Variants in B3GALT1 observed in about 807,000 individuals in gnomAD.
B3GALT1 encodes the protein beta-1,3-galactosyltransferase 1, also known as UDP-Gal:betaGlcNAc beta 1,3-galactosyltransferase, polypeptide 1.
In B3GALT1, 10 loss-of-function variants were observed where a neutral mutation model predicts 23.2. The observed-to-expected ratio is 0.43, with a 90% CI of 0.27 to 0.73. The LOEUF (loss-of-function observed/expected upper bound fraction) is 0.73, where lower values mean the gene tolerates loss of function less well. B3GALT1 is among the 30% of genes least tolerant of loss of function. The pLI, the probability that B3GALT1 is intolerant of heterozygous loss-of-function variation, is 0.21. For synonymous variants in B3GALT1, 156 were observed against 141.5 expected (o/e 1.10, Z -0.73); for missense variants, 299 against 405.4 (o/e 0.74, Z 2.25).
At chr2:167,429,184 G>A (rs1281556830) in intron 1 of B3GALT1, among the ~76,000 whole-genome samples, 3 of 151,040 alleles carry the variant, frequency 2.0e-5, no homozygotes, top group Non-Finnish European at 4.4e-5. Context: ...GGGAGGCTGA[G>A]GCCAGGGAAT....
chr2:167,822,489 G>A (rs962914109), intron 4 of B3GALT1, among the ~76,000 whole-genome samples: 4 of 152,082 alleles, frequency 2.6e-5, no homozygotes, highest in African/African-American at 7.2e-5. Context: ...AGATACTCAC[G>A]GTGGAGGGTG....
intron 2 of B3GALT1, among the ~76,000 whole-genome samples, chr2:167,581,439 T>C (rs1050815557): frequency 6.6e-6 from 1 of 152,248 alleles, no homozygotes; most frequent in Non-Finnish European, 1.5e-5. Context: ...CATTTCCTTA[T>C]ACTTCCTCTG....
At chr2:167,735,108 A>G (rs1687472063) in intron 3 of B3GALT1, among the ~76,000 whole-genome samples, 1 of 152,226 alleles carries the variant, frequency 6.6e-6, no homozygotes, top group Non-Finnish European at 1.5e-5. Flanking sequence ...TCGTAAATAT[A>G]AATCAGCTGG....
chr2:167,486,362 A>AG (rs1235459267), intron 1 of B3GALT1, among the ~76,000 whole-genome samples: 1 of 150,324 alleles, frequency 6.7e-6, no homozygotes, highest in African/African-American at 2.5e-5. Context: ...TGTCTCAAAA[A>AG]AAAAAAAAAG....
intron 1 of B3GALT1, among the ~76,000 whole-genome samples, chr2:167,295,768 CGTGTGT>C (rs57375833): frequency 0.11 from 16,018 of 143,382 alleles, 800 homozygotes; most frequent in South Asian, 0.16. Flanking sequence ...TGTGTGTGTA[CGTGTGT>C]GTGTGTGTGT....
chr2:167,621,337 C>T (rs1685254611), intron 2 of B3GALT1, among the ~76,000 whole-genome samples: 1 of 152,008 alleles, frequency 6.6e-6, no homozygotes, highest in Non-Finnish European at 1.5e-5. Flanking sequence ...CCTTCCACCT[C>T]AGCCTCCCAA....
At chr2:167,839,957 G>T (rs1689599668) in intron 4 of B3GALT1, among the ~76,000 whole-genome samples, 2 of 151,952 alleles carry the variant, frequency 1.3e-5, no homozygotes, top group Admixed American at 1.3e-4. Flanking sequence ...AAATGGTGCT[G>T]GGAAAACTGG....
intron 3 of B3GALT1, among the ~76,000 whole-genome samples, chr2:167,801,261 C>A (rs1415535360): frequency 6.6e-6 from 1 of 152,172 alleles, no homozygotes; most frequent in African/African-American, 2.4e-5. Flanking sequence ...CTGGAAAATT[C>A]ACCCCATTTT....
chr2:167,690,634 G>A (rs536073890), intron 3 of B3GALT1, among the ~76,000 whole-genome samples: 15 of 152,056 alleles, frequency 9.9e-5, no homozygotes, highest in Non-Finnish European at 1.8e-4. Flanking sequence ...TGATACCTTC[G>A]GCAATCATTT....
intron 1 of B3GALT1, among the ~76,000 whole-genome samples, chr2:167,432,240 G>A (rs1447802498): frequency 6.6e-6 from 1 of 152,200 alleles, no homozygotes; most frequent in Non-Finnish European, 1.5e-5. Context: ...GAACACTCTA[G>A]TGACAGACTT....
chr2:167,314,247 A>G (rs1696677335), intron 1 of B3GALT1, among the ~76,000 whole-genome samples: 1 of 152,164 alleles, frequency 6.6e-6, no homozygotes, highest in Admixed American at 6.6e-5. Context: ...GGAATGGAAG[A>G]GTCTCCCATA....
At chr2:167,842,242 G>A (rs1689666301) in intron 4 of B3GALT1, among the ~76,000 whole-genome samples, 1 of 152,158 alleles carries the variant, frequency 6.6e-6, no homozygotes, top group Non-Finnish European at 1.5e-5. Flanking sequence ...CTAGAGAGAA[G>A]TAGCAACCAC....
chr2:167,695,895 C>T (rs924581489), intron 3 of B3GALT1, among the ~76,000 whole-genome samples: 1 of 152,080 alleles, frequency 6.6e-6, no homozygotes, highest in Admixed American at 6.6e-5. Context: ...GCATTCCAAC[C>T]AGAGGGAAAG....
intron 4 of B3GALT1, among the ~76,000 whole-genome samples, chr2:167,838,458 T>C (rs895713564): frequency 2.6e-5 from 4 of 152,344 alleles, no homozygotes; most frequent in Admixed American, 6.5e-5. Flanking sequence ...ACACATACAC[T>C]CTCCCAAGAC....
At chr2:167,352,809 A>G (rs1035069387) in intron 1 of B3GALT1, among the ~76,000 whole-genome samples, 1 of 152,216 alleles carries the variant, frequency 6.6e-6, no homozygotes, top group African/African-American at 2.4e-5. Flanking sequence ...GTAACCTGAA[A>G]GAGTGTCCCA....
At chr2:167,839,742 C>T (rs1197698984) in intron 4 of B3GALT1, among the ~76,000 whole-genome samples, 3 of 152,146 alleles carry the variant, frequency 2.0e-5, no homozygotes, top group Admixed American at 6.5e-5. Context: ...GCCAAAAGAA[C>T]AAAGCTGGAG....
intron 3 of B3GALT1, among the ~76,000 whole-genome samples, chr2:167,723,527 C>CTT (rs77413935): frequency 4.8e-5 from 7 of 145,222 alleles, no homozygotes; most frequent in Non-Finnish European, 1.1e-4. Flanking sequence ...TCTTTCTTTC[C>CTT]TTTTTTTTTT....
In B3GALT1 at chr2:167,583,333, T is replaced by C. The variant is rs144064197; in HGVS notation, c.-409-63576T>C. Among the ~76,000 whole-genome samples the C allele has an allele frequency of 1.6e-3, 243 of 152,218 alleles. 2 individuals carry two copies. The highest frequency in any genetic ancestry group is 5.4e-3 in the African/African-American group (224 of 41,552). On this transcript the variant is annotated intron_variant, in intron 2 of 4. Coordinates refer to ENST00000392690, the MANE Select transcript of B3GALT1 (RefSeq NM_020981.4). ...GCAAAAAAGCATCTTCTCTACATTTTGGGAAAAAAAATGCTGTGATCTGTC... is the reference window on the plus strand; with the variant it reads ...GCAAAAAAGCATCTTCTCTACATTTCGGGAAAAAAAATGCTGTGATCTGTC...
intron 1 of B3GALT1, among the ~76,000 whole-genome samples, chr2:167,305,997 A>G (rs1466670441): frequency 6.6e-6 from 1 of 152,082 alleles, no homozygotes; most frequent in East Asian, 1.9e-4. Flanking sequence ...TGAAATCGGT[A>G]TAGCCCTTTT....
Sources: gnomAD v4.1 joint callset for allele counts (sites outside exome capture counted in the v4.1 genomes callset) on GRCh38, gnomAD v4.1.1 for gene constraint, MANE v1.5 for transcripts, NCBI Gene and HGNC (gene_info 2026-07-23, HGNC 2026-07-21) for gene names.